Variants in MTIF2 observed in about 807,000 individuals in gnomAD.
The protein encoded by MTIF2 is translation initiation factor IF-2, mitochondrial.
Under a neutral mutation model 83.5 loss-of-function variants are expected in MTIF2, and 71 were observed. The observed-to-expected ratio is 0.85, with a 90% CI of 0.70 to 1.04. The LOEUF is 1.04. Ranked by LOEUF, MTIF2 falls within the 50% of genes least tolerant of loss-of-function variation. The pLI is 0.00. For synonymous variants in MTIF2, 319 were observed against 287.1 expected, an observed-to-expected ratio of 1.11 and a Z score of -1.12; for missense variants, 957 against 846.5, an observed-to-expected ratio of 1.13 and a Z score of -1.62.
intron 5 of MTIF2, among the ~76,000 whole-genome samples, 189 bp from the exon 6 acceptor site, chr2:55,255,014 C>A (rs555634624): frequency 2.0e-5 from 3 of 151,982 alleles, no homozygotes; most frequent in South Asian, 2.1e-4. Context: ...TGATACATTT[C>A]TATTAACTGA....
rs1678216362 is a variant in MTIF2, at chr2:55,263,701, C to A, written c.158G>T (p.Trp53Leu). 5 of 1,614,040 alleles carry A rather than the reference C, an allele frequency of 3.1e-6. No individual in the cohort carries two copies. In the Admixed American group the frequency reaches 6.7e-5, roughly 22 times the overall value. ...VWTAQLCAWP[W>L]PTDVLTGAAL... ...AGCCCCAGTGAGCACATCTGTTGGC[C>A]AGGGCCAGGCACACAGTTGAGCTGT... Residue 53 changes from tryptophan to leucine, a missense_variant, in exon 4 of 16, where the codon TGG becomes TTG. By Grantham distance (61) the Trp-to-Leu change is moderately conservative. This residue lies in a region of MTIF2 where 733 missense variants were observed against 648.7 expected (regional missense o/e 1.13). Coordinates refer to ENST00000263629, the MANE Select transcript of MTIF2 (RefSeq NM_002453.3).
At position 55,259,671 on chromosome 2, in the gene MTIF2, G is replaced by A. The variant is rs117090751; in HGVS notation, c.331+2645C>T. Among the ~76,000 whole-genome samples the A allele has an allele frequency of 9.8e-4, 149 of 152,278 alleles. 1 individual carries two copies. The East Asian group carries it at 0.016, about 17-fold the overall frequency. On this transcript the variant is annotated intron_variant, in intron 5 of 15. Coordinates refer to ENST00000263629, the MANE Select transcript of MTIF2 (RefSeq NM_002453.3). ...CTAATAATAAAAAGTTTTGCCAGGC[G>A]CAGTGGCTCACGCCTATAATCCTAG...
chr2:55,266,799 G>C (rs1255189857), intron 3 of MTIF2, among the ~76,000 whole-genome samples: 2 of 121,376 alleles, frequency 1.6e-5, no homozygotes, highest in African/African-American at 3.3e-5. Flanking sequence ...ATGGAGTCTC[G>C]CTCTGTTGCC....
chr2:55,240,418 TA>T (rs1676217191), intron 13 of MTIF2, among the ~76,000 whole-genome samples: 1 of 152,112 alleles, frequency 6.6e-6, no homozygotes, highest in African/African-American at 2.4e-5. Flanking sequence ...CTGTCTCTAC[TA>T]AAAATACAAA....
At chr2:55,236,900 A>T (rs1310924179) in intron 15 of MTIF2, 80 bp from the exon 16 acceptor site, 3 of 1,106,456 alleles carry the variant, frequency 2.7e-6, no homozygotes, top group Non-Finnish European at 3.6e-6. Context: ...GGTGTTAACC[A>T]GGAAATTACA....
Position 55,263,792 on chromosome 2 carries a change from T to G in MTIF2, c.67A>C (p.Ser23Arg), listed in dbSNP as rs1482675174. 1 of 1,614,134 alleles carries G rather than the reference T, an allele frequency of 6.2e-7. No individual in the cohort carries two copies. Among genetic ancestry groups the G allele is most frequent in the Admixed American group, 1.7e-5 (1 of 60,002 alleles). Reference sequence around the variant, plus strand: ...CTTAATGCTCTTCTTTGACACAGACTGTGCAGTTGCCTATAAATAGTGTGA... The same window carrying G: ...CTTAATGCTCTTCTTTGACACAGACGGTGCAGTTGCCTATAAATAGTGTGA... ...RFHTIYRQLH[S>R]LCQRRALRQW... Residue 23 changes from serine (S) to arginine (R), a missense_variant, in exon 4 of 16, where the codon AGT becomes CGT. Ser to Arg is a moderately radical substitution (Grantham distance 110). Coordinates refer to ENST00000263629, the MANE Select transcript of MTIF2 (RefSeq NM_002453.3).
At position 55,252,665 on chromosome 2, in the gene MTIF2, G is replaced by A. The variant is rs772033677; in HGVS notation, c.665-12C>T. ...AGAAGGCAGAGAGACTGTGGAAACA[G>A]AAATTCAAGAACATCAAGGATTCAA... On this transcript the variant is annotated splice_polypyrimidine_tract_variant and intron_variant, in intron 7 of 15. Transcript: ENST00000263629. The A allele has an allele frequency of 6.2e-6, 10 of 1,601,676 alleles. No individual in the cohort carries two copies. The African/African-American group carries it at 1.2e-4, about 19-fold the overall frequency.
intron 3 of MTIF2, among the ~76,000 whole-genome samples, chr2:55,264,273 G>A (rs1346348659): frequency 1.3e-5 from 2 of 152,234 alleles, no homozygotes; most frequent in African/African-American, 4.8e-5. Context: ...CATCCAGGCT[G>A]GAGGCTGGAA....
intron 5 of MTIF2, 71 bp from the exon 6 acceptor site, chr2:55,254,896 T>A: frequency 9.4e-6 from 9 of 953,238 alleles, no homozygotes; most frequent in Non-Finnish European, 1.3e-5. Context: ...TATTAATAAA[T>A]GTCTATATAA....
At chr2:55,265,103 C>G (rs1332207095) in intron 3 of MTIF2, among the ~76,000 whole-genome samples, 5 of 151,834 alleles carry the variant, frequency 3.3e-5, no homozygotes, top group Non-Finnish European at 7.4e-5. Flanking sequence ...ATCAGCCGGA[C>G]ATGGTGGCGG....
chr2:55,245,951 T>A (rs1310365567), intron 10 of MTIF2, among the ~76,000 whole-genome samples: 1 of 152,176 alleles, frequency 6.6e-6, no homozygotes, highest in Non-Finnish European at 1.5e-5. Context: ...AAGACCTTTC[T>A]GCGTATTATA....
intron 5 of MTIF2, among the ~76,000 whole-genome samples, chr2:55,260,110 G>A (rs1677847173): frequency 6.6e-6 from 1 of 151,992 alleles, no homozygotes; most frequent in South Asian, 2.1e-4. Flanking sequence ...TATTAAAAAT[G>A]CCAAACAGGC....
chr2:55,241,572 G>T (rs1334286207), intron 13 of MTIF2, among the ~76,000 whole-genome samples: 1 of 152,156 alleles, frequency 6.6e-6, no homozygotes, highest in Admixed American at 6.5e-5. Flanking sequence ...GCCGGGTGCA[G>T]TGGCTCACGC....
intron 13 of MTIF2, among the ~76,000 whole-genome samples, chr2:55,240,695 CAAAG>C (rs1235589227): frequency 2.0e-5 from 3 of 151,816 alleles, no homozygotes; most frequent in South Asian, 2.1e-4. Flanking sequence ...GCTTGTTTAA[CAAAG>C]AAAATTTCTT....
chr2:55,260,353 T>C (rs573937941), intron 5 of MTIF2, among the ~76,000 whole-genome samples: 3 of 144,314 alleles, frequency 2.1e-5, no homozygotes, highest in Admixed American at 1.5e-4. Flanking sequence ...CAAGCCGAGA[T>C]AGTGCCATTG....
At chr2:55,257,577 T>C (rs1244566233) in intron 5 of MTIF2, among the ~76,000 whole-genome samples, 1 of 152,190 alleles carries the variant, frequency 6.6e-6, no homozygotes, top group Non-Finnish European at 1.5e-5. Context: ...GTTTAATAAC[T>C]ATGCTCTCAA....
intron 5 of MTIF2, among the ~76,000 whole-genome samples, chr2:55,260,684 TA>T (rs1257812882): frequency 8.5e-5 from 13 of 152,206 alleles, no homozygotes; most frequent in African/African-American, 2.4e-4. Flanking sequence ...TTATCCTCTC[TA>T]AACCTCACCT....
chr2:55,251,974 T>C (rs914382683), intron 8 of MTIF2, among the ~76,000 whole-genome samples: 1 of 152,174 alleles, frequency 6.6e-6, no homozygotes. Context: ...AACTTTTAAA[T>C]GAAGAAATAA....
At position 55,254,772 on chromosome 2, in the gene MTIF2, C is replaced by A. The variant is rs770079425; in HGVS notation, c.385G>T (p.Ala129Ser). The part of the protein sequence containing the change: ...NTDIDIDSLE[A>S]DSHLDEVWIK... ...CAGACTTCATCTAAATGTGAGTCTGCTTCCAGTGAATCTATGTCAATATCA... is the reference window on the plus strand; with the variant it reads ...CAGACTTCATCTAAATGTGAGTCTGATTCCAGTGAATCTATGTCAATATCA... Residue 129 changes from alanine to serine, a missense_variant, in exon 6 of 16, where the codon GCA becomes TCA. Physicochemically the swap from Ala to Ser is moderately conservative, Grantham distance 99 (BLOSUM62 1). This residue lies in a region of MTIF2 where 733 missense variants were observed against 648.7 expected (regional missense o/e 1.13). Transcript: ENST00000263629. 6.2e-7 allele frequency: 1 copy of A among 1,610,012 alleles called. No homozygotes were observed. The highest frequency in any genetic ancestry group is 8.5e-7 in the Non-Finnish European group (1 of 1,178,218).
Sources: allele counts gnomAD v4.1 joint callset (sites outside exome capture counted in the v4.1 genomes callset), GRCh38; gene constraint gnomAD v4.1.1; regional missense constraint gnomAD v4.1.1; transcripts MANE v1.5; gene names NCBI Gene and HGNC (gene_info 2026-07-23, HGNC 2026-07-21).